Variants in SHC2 observed in about 807,000 individuals in gnomAD.
SHC2 encodes the protein SHC adaptor protein 2.
Under a neutral mutation model 60.6 loss-of-function variants are expected in SHC2, and 62 were observed. The ratio of observed to expected loss-of-function variants is 1.02; its 90% CI spans 0.83 to 1.26. The LOEUF (loss-of-function observed/expected upper bound fraction) is 1.26. Ranked by LOEUF, SHC2 falls within the 50% of genes most tolerant of loss-of-function variation. The probability of loss-of-function intolerance (pLI) is 0.00; values close to 1 mark genes in which losing one functional copy is unlikely to be tolerated. For synonymous variants in SHC2, 375 were observed against 372.4 expected (o/e 1.01, Z -0.08); for missense variants, 873 against 822.2 (o/e 1.06, Z -0.76).
At chr19:442,715 A>C (rs1253379527) in intron 1 of SHC2, among the ~76,000 whole-genome samples, 2 of 32,972 alleles carry the variant, frequency 6.1e-5, no homozygotes, top group African/African-American at 2.3e-4. Context: ...GGATGGCTGG[A>C]TGGATGGGTG....
In SHC2 at chr19:424,640, C is replaced by T. The variant is rs1974363345; in HGVS notation, c.1309+457G>A. ...CCTCCCACCACACTGACCATTCTTTCAAGGAATGACGAACCTCCTCCCTTC... is the reference window on the plus strand; with the variant it reads ...CCTCCCACCACACTGACCATTCTTTTAAGGAATGACGAACCTCCTCCCTTC... On this transcript the variant is annotated intron_variant, in intron 10 of 12. Coordinates refer to ENST00000264554, the MANE Select transcript of SHC2 (RefSeq NM_012435.3). The surrounding 1 kb of genome is among the most constrained non-coding windows in gnomAD (Gnocchi z 4.5). Among the ~76,000 whole-genome samples, 1 of 152,178 alleles carries T rather than the reference C, an allele frequency of 6.6e-6. No homozygotes were observed. The highest frequency in any genetic ancestry group is 2.4e-5 in the African/African-American group (1 of 41,448).
At chr19:423,055 C>T (rs188776977) in intron 10 of SHC2, among the ~76,000 whole-genome samples, 1 of 152,316 alleles carries the variant, frequency 6.6e-6, no homozygotes, top group Non-Finnish European at 1.5e-5. Flanking sequence ...GGAGCCCCAG[C>T]CCTGACGGAG....
Position 422,482 on chromosome 19 carries a change from G to C in SHC2, c.1310-26C>G. ...CTGCAGGCCAGGGACAGGAGTGCTG[G>C]GCAGGCAGGGGGCAAGCAGCTACTC... On this transcript the variant is annotated intron_variant, in intron 10 of 12. Transcript: ENST00000264554. The surrounding 1 kb of genome is among the most constrained non-coding windows in gnomAD (Gnocchi z 5.0). The C allele has an allele frequency of 6.8e-7, 1 of 1,479,050 alleles. No individual in the cohort carries two copies. The highest frequency in any genetic ancestry group is 9.0e-7 in the Non-Finnish European group (1 of 1,110,582). 91.6% of individuals were successfully genotyped at this position (1,479,050 alleles called of 1,614,324 possible).
chr19:425,660 G>A lies in SHC2; in HGVS notation c.1175-429C>T, dbSNP rs1026433593. Among the ~76,000 whole-genome samples the A allele has an allele frequency of 4.6e-5, 7 of 152,212 alleles. No individual in the cohort carries two copies. The highest frequency in any genetic ancestry group is 1.2e-4 in the African/African-American group (5 of 41,462). On this transcript the variant is annotated intron_variant, in intron 9 of 12. Transcript: ENST00000264554. The surrounding 1 kb of genome is among the most constrained non-coding windows in gnomAD (Gnocchi z 4.1). ...ATGCTATCAACATGACGCACGGAGG[G>A]TCACTTATTCTGACTCAGTTCTATT... is the stretch of plus-strand genomic sequence containing the variant.
chr19:427,028 C>T (rs980482669), intron 9 of SHC2, among the ~76,000 whole-genome samples: 3 of 152,230 alleles, frequency 2.0e-5, no homozygotes, highest in Middle Eastern at 3.4e-3. Flanking sequence ...GGAACGCTGG[C>T]GAGCCCCCGG....
Position 418,935 on chromosome 19 carries a change from T to C in SHC2, c.1742A>G (p.Glu581Gly), listed in dbSNP as rs1411495230. 6.3e-7 allele frequency: 1 copy of C among 1,587,262 alleles called. No individual in the cohort carries two copies. Among genetic ancestry groups the C allele is most frequent in the Middle Eastern group, 1.7e-4 (1 of 6,004 alleles). Residue 581 changes from glutamate to glycine, a missense_variant, in exon 12 of 13, where the codon GAG becomes GGG. Glu to Gly is a moderately conservative substitution (Grantham distance 98). Transcript: ENST00000264554. ...GGCAGCCACACACCTGGCTCAGGGC[T>C]CCCGTGAGACCACGCCACGCAGGTG... ...ELHLRGVVSR[E>G]P is the part of the protein sequence containing the mutation.
At chr19:449,957 T>C (rs1397802237) in intron 1 of SHC2, among the ~76,000 whole-genome samples, 1 of 152,210 alleles carries the variant, frequency 6.6e-6, no homozygotes, top group Non-Finnish European at 1.5e-5. Flanking sequence ...AGGTTGAAAC[T>C]ATTTAAAGGC....
intron 1 of SHC2, among the ~76,000 whole-genome samples, chr19:450,014 C>G (rs957759677): frequency 6.6e-6 from 1 of 152,232 alleles, no homozygotes; most frequent in Admixed American, 6.5e-5. Flanking sequence ...CCGCCCTCCA[C>G]CCCTGGCCAG....
intron 1 of SHC2, among the ~76,000 whole-genome samples, chr19:448,284 G>C (rs887658199): frequency 2.0e-5 from 3 of 152,154 alleles, no homozygotes; most frequent in Admixed American, 1.3e-4. Context: ...TCCTCTCCAC[G>C]TCCCAGAGCC....
chr19:417,433 A>G (rs1013497762), intron 12 of SHC2, 111 bp from the exon 13 acceptor site: 2 of 152,312 alleles, frequency 1.3e-5, no homozygotes, highest in African/African-American at 4.8e-5. Context: ...CAAGTGCCAC[A>G]CCTCAGGTCC....
intron 8 of SHC2, among the ~76,000 whole-genome samples, chr19:431,150 C>A (rs994082189): frequency 6.6e-6 from 1 of 152,292 alleles, no homozygotes; most frequent in South Asian, 2.1e-4. Flanking sequence ...CACTGCCTCT[C>A]TGGTGGACTT....
intron 1 of SHC2, among the ~76,000 whole-genome samples, chr19:458,545 C>CG (rs1218882091): frequency 9.6e-6 from 1 of 103,822 alleles, no homozygotes; most frequent in Non-Finnish European, 2.1e-5. Context: ...ATTCGGGTTC[C>CG]GGGGAGGTGG....
rs1482322973 is a variant in SHC2, at chr19:446,311, G to A, written c.469-5379C>T. ...TGTGTGTGTTTTGTTTTGTTTTTGG[G>A]GTTTTTGTTTGTTTGTTTGAGACGG... On this transcript the variant is annotated intron_variant, in intron 1 of 12. Coordinates refer to ENST00000264554, the MANE Select transcript of SHC2 (RefSeq NM_012435.3). The surrounding 1 kb of genome is among the most constrained non-coding windows in gnomAD (Gnocchi z 5.4). Among the ~76,000 whole-genome samples the A allele has an allele frequency of 6.6e-6, 1 of 151,954 alleles. No individual in the cohort carries two copies. The highest frequency in any genetic ancestry group is 1.9e-4 in the East Asian group (1 of 5,170).
At chr19:451,841 C>T (rs1975207346) in intron 1 of SHC2, among the ~76,000 whole-genome samples, 1 of 152,196 alleles carries the variant, frequency 6.6e-6, no homozygotes, top group African/African-American at 2.4e-5. Flanking sequence ...AGGTGATCAG[C>T]CCGCCTCTGC....
At chr19:431,303 A>T (rs1333731236) in intron 8 of SHC2, among the ~76,000 whole-genome samples, 17 of 149,068 alleles carry the variant, frequency 1.1e-4, no homozygotes, top group African/African-American at 3.7e-4. Context: ...CGTGAGTGAG[A>T]GTTAGAGGAG....
intron 1 of SHC2, 98 bp downstream of exon 1, chr19:460,431 G>T: frequency 2.1e-6 from 1 of 470,526 alleles, no homozygotes; most frequent in Non-Finnish European, 3.2e-6. Context: ...GGATGGGGAG[G>T]GGACACCTGG....
intron 1 of SHC2, among the ~76,000 whole-genome samples, chr19:447,554 G>A (rs1362861016): frequency 1.3e-5 from 2 of 152,172 alleles, no homozygotes; most frequent in African/African-American, 2.4e-5. Context: ...CGAGGCGGGC[G>A]GCTCACCTGA....
chr19:458,352 TTC>T (rs1223562042), intron 1 of SHC2, among the ~76,000 whole-genome samples: 2 of 104,256 alleles, frequency 1.9e-5, no homozygotes, highest in Non-Finnish European at 3.9e-5. Flanking sequence ...CAGAAGCGGG[TTC>T]CGGGGAGGCG....
chr19:421,459 G>A lies in SHC2; in HGVS notation c.1620+687C>T, dbSNP rs890343005. Among the ~76,000 whole-genome samples, 13 of 70,556 alleles carry A rather than the reference G, an allele frequency of 1.8e-4. No individual in the cohort carries two copies. The East Asian group carries it at 0.015, about 79-fold the overall frequency. 46.3% of individuals were successfully genotyped at this position (70,556 alleles called of 152,430 possible). A position where few individuals can be genotyped will look rare whatever the true frequency, so the allele number is the denominator to read the frequency against. On this transcript the variant is annotated intron_variant, in intron 11 of 12. Transcript: ENST00000264554. The stretch of plus-strand genomic sequence containing the variant: ...AGAGAAAAAAAGGAAAGGAGGGAGG[G>A]AGAGAGGGAGGAAGAAGGAATTGAA...
Sources: gnomAD v4.1 joint callset for allele counts (sites outside exome capture counted in the v4.1 genomes callset) on GRCh38, gnomAD v4.1.1 for gene constraint, Gnocchi (gnomAD v3.1) non-coding constraint, MANE v1.5 for transcripts, NCBI Gene and HGNC (gene_info 2026-07-23, HGNC 2026-07-21) for gene names.